NISCH: variants seen among roughly 807,000 people sequenced by gnomAD.
NISCH encodes I-1 receptor candidate protein.
A neutral mutation model predicts 138.4 loss-of-function variants in NISCH; 55 were observed. That is an observed-to-expected ratio of 0.40 (90% CI 0.32 to 0.50). The LOEUF (loss-of-function observed/expected upper bound fraction) is 0.50. Ranked by LOEUF, NISCH falls within the 20% of genes least tolerant of loss-of-function variation. The pLI is 0.71. For missense variants in NISCH, 1,643 were observed against 2,005.5 expected, an observed-to-expected ratio of 0.82 and a Z score of 3.45; for synonymous variants, 860 against 861.5, an observed-to-expected ratio of 1.00 and a Z score of 0.03.
chr3:52,459,199 C>T (rs1706561105), intron 3 of NISCH, among the ~76,000 whole-genome samples: 1 of 152,138 alleles, frequency 6.6e-6, no homozygotes, highest in Non-Finnish European at 1.5e-5. Flanking sequence ...TGGTGCATAG[C>T]CCAAAACTAA....
intron 13 of NISCH, among the ~76,000 whole-genome samples, chr3:52,482,644 A>G (rs1054489125): frequency 1.2e-4 from 19 of 152,202 alleles, no homozygotes; most frequent in Non-Finnish European, 2.6e-4. Context: ...TCTTTCAGTC[A>G]GTGGCGTCTC....
Position 52,489,688 on chromosome 3 carries a change from C to A in NISCH, c.3456+10C>A. ...CAGCAGCATTGCTGAGGTAGCGGCC[C>A]GGGTGTGGGTGCCAGCTATGGCACG... is the stretch of plus-strand genomic sequence containing the variant. On this transcript the variant is annotated intron_variant, in intron 17 of 20. Transcript: ENST00000345716. 1 of 1,607,122 alleles carries A rather than the reference C, an allele frequency of 6.2e-7. No homozygotes were observed.
At chr3:52,473,607 C>T (rs931620044) in intron 6 of NISCH, 127 bp from the exon 7 acceptor site, 7 of 583,244 alleles carry the variant, frequency 1.2e-5, no homozygotes, top group East Asian at 2.9e-5. Context: ...CTTGAGTGGC[C>T]TCCCATCTCT....
rs1377827325 is a variant in NISCH at position 52,487,040 on chromosome 3, C to T, written c.1704-156C>T. Among the ~76,000 whole-genome samples, 1 of 152,242 alleles carries T rather than the reference C, an allele frequency of 6.6e-6. No individual in the cohort carries two copies. The highest frequency in any genetic ancestry group is 1.5e-5 in the Non-Finnish European group (1 of 68,046). ...GGCAGCACTGGCTCCCACCAGGGCC[C>T]TCATCCTGGGAACTGACTTGGCCAT... On this transcript the variant is annotated intron_variant, in intron 15 of 20. Transcript: ENST00000345716. This position sits in a 1 kb window ranked among gnomAD's most constrained non-coding sequence, Gnocchi z 9.1.
At chr3:52,471,556 G>A (rs147847431) in intron 4 of NISCH, 4 of 559,198 alleles carry the variant, frequency 7.2e-6, no homozygotes, top group East Asian at 6.2e-5. Flanking sequence ...GTCTCGACTC[G>A]GCCTCACTCC....
intron 13 of NISCH, chr3:52,480,591 CG>C: frequency 7.0e-7 from 1 of 1,435,346 alleles, no homozygotes; most frequent in Admixed American, 2.9e-5. Context: ...TGAACAGGCT[CG>C]GGGCTGTTGG....
chr3:52,487,319 G>C lies in NISCH; in HGVS notation c.1827G>C (p.Leu609=). ...ACTTCATCCAGCGCCTGAGCACACT[G>C]ATCCGGCAGGCCATCGAGCGGCAGC... is the stretch of plus-strand genomic sequence containing the variant. ...NQDFIQRLST[L]IRQAIERQLP... Residue 609 remains leucine (L), a synonymous_variant, in exon 16 of 21, where the codon CTG becomes CTC. Transcript: ENST00000345716. The surrounding 1 kb of genome is among the most constrained non-coding windows in gnomAD (Gnocchi z 9.1). 6.2e-7 allele frequency: 1 copy of C among 1,614,168 alleles called. No individual in the cohort carries two copies. Among genetic ancestry groups the C allele is most frequent in the South Asian group, 1.1e-5 (1 of 91,084 alleles).
intron 3 of NISCH, among the ~76,000 whole-genome samples, chr3:52,463,520 T>C (rs1359008367): frequency 1.3e-5 from 2 of 152,182 alleles, no homozygotes; most frequent in African/African-American, 2.4e-5. Flanking sequence ...TTTGAGAAAC[T>C]AACAAATTGT....
At chr3:52,455,758 G>A in intron 1 of NISCH, 24 bp downstream of exon 1, 1 of 1,333,674 alleles carries the variant, frequency 7.5e-7, no homozygotes, top group Non-Finnish European at 9.7e-7. Context: ...GCGGGCACCC[G>A]AAGCGGGGGT....
intron 3 of NISCH, 105 bp downstream of exon 3, chr3:52,458,949 AC>A: frequency 1.0e-6 from 1 of 960,628 alleles, no homozygotes; most frequent in Non-Finnish European, 1.5e-6. Flanking sequence ...CTGGGGTTTG[AC>A]CCTAGGTTAG....
intron 4 of NISCH, chr3:52,471,389 G>C: frequency 3.5e-6 from 1 of 282,070 alleles, no homozygotes; most frequent in Admixed American, 4.8e-5. Flanking sequence ...GCAGCAGTCA[G>C]TTGGGCTCAG....
At chr3:52,470,298 G>T (rs924698548) in intron 3 of NISCH, among the ~76,000 whole-genome samples, 1 of 152,138 alleles carries the variant, frequency 6.6e-6, no homozygotes, top group African/African-American at 2.4e-5. Context: ...CCCTGGGGCT[G>T]AGTGTTACTG....
In NISCH at chr3:52,491,503, C is replaced by T. The variant is rs753953815; in HGVS notation, c.3894C>T (p.Asn1298=). Residue 1298 remains asparagine, a synonymous_variant, in exon 20 of 21, where the codon AAC becomes AAT. Transcript: ENST00000345716. The stretch of plus-strand genomic sequence containing the variant: ...AGGACTTCTACTCCGAGTTTGGGAA[C>T]AAGACCACAGGTACCCCTGTCTAGC... ...VDKDFYSEFG[N]KTTGKMENYE... The T allele has an allele frequency of 6.2e-7, 1 of 1,611,684 alleles. No homozygotes were observed. The highest frequency in any genetic ancestry group is 8.5e-7 in the Non-Finnish European group (1 of 1,179,116).
chr3:52,477,914 G>T, intron 9 of NISCH, 183 bp from the exon 10 acceptor site: 1 of 686,206 alleles, frequency 1.5e-6, no homozygotes. Context: ...CTGTCTGCAG[G>T]GGTGCCACTG....
rs1707610309 is a variant in NISCH at position 52,492,850 on chromosome 3, C to T, written c.*368C>T. The T allele has an allele frequency of 3.9e-6, 1 of 258,430 alleles. No homozygotes were observed. Among genetic ancestry groups the T allele is most frequent in the Non-Finnish European group, 7.5e-6 (1 of 133,818 alleles). The allele number at this position is 258,430 out of a possible 1,614,324, so 16.0% of individuals were successfully genotyped here. On this transcript the variant is annotated 3_prime_UTR_variant, in exon 21 of 21. Transcript: ENST00000345716. ...TTTGTTGCTGTTGCTGTTGCTGTTGCTGTTGCTGTTGCTGTTGGCATCTTG... is the reference window on the plus strand; with the variant it reads ...TTTGTTGCTGTTGCTGTTGCTGTTGTTGTTGCTGTTGCTGTTGGCATCTTG...
intron 3 of NISCH, among the ~76,000 whole-genome samples, chr3:52,468,775 G>T (rs949387094): frequency 6.6e-6 from 1 of 151,916 alleles, no homozygotes; most frequent in Non-Finnish European, 1.5e-5. Context: ...AGTTATTCTC[G>T]TGCTGTATAT....
intron 3 of NISCH, among the ~76,000 whole-genome samples, 163 bp downstream of exon 3, chr3:52,459,007 G>T (rs1442145110): frequency 6.6e-6 from 1 of 152,226 alleles, no homozygotes; most frequent in Non-Finnish European, 1.5e-5. Context: ...GTGGCCAGAA[G>T]CATGTTAGTT....
In NISCH at chr3:52,464,628, G is replaced by A. The variant is rs866678878; in HGVS notation, c.360+5784G>A. Among the ~76,000 whole-genome samples, 6 of 146,100 alleles carry A rather than the reference G, an allele frequency of 4.1e-5. No individual in the cohort carries two copies. The Admixed American group carries it at 4.2e-4, about 10-fold the overall frequency. ...CAACCTCCACCCCTGGGGTTCAAGC[G>A]ATTCTCGTGCCTCGGCCTCCCAAGT... On this transcript the variant is annotated intron_variant, in intron 3 of 20. Coordinates refer to ENST00000345716, the MANE Select transcript of NISCH (RefSeq NM_007184.4).
intron 13 of NISCH, 51 bp from the exon 14 acceptor site, chr3:52,484,462 T>TGGGGGGG: frequency 1.0e-5 from 8 of 788,670 alleles, no homozygotes; most frequent in Non-Finnish European, 1.5e-5. Context: ...ACAGCCGCTC[T>TGGGGGGG]CCCCGCCCCA....
Sources: allele counts gnomAD v4.1 joint callset (sites outside exome capture counted in the v4.1 genomes callset), GRCh38; gene constraint gnomAD v4.1.1; non-coding constraint Gnocchi (gnomAD v3.1); transcripts MANE v1.5; gene names NCBI Gene and HGNC (gene_info 2026-07-23, HGNC 2026-07-21).